The following NOX4 variants were observed in gnomAD, a reference collection of about 807,000 sequenced individuals.
NOX4 encodes NADPH oxidase 4, also known as kidney oxidase-1.
A neutral mutation model predicts 87.6 loss-of-function variants in NOX4; 69 were observed. That is an observed-to-expected ratio of 0.79 (90% CI 0.65 to 0.96). NOX4 has a LOEUF of 0.96. Among genes scored for constraint, NOX4 ranks in the 40% least tolerant of loss-of-function variants. The pLI is 0.00. For missense variants in NOX4, 680 were observed against 681.5 expected, an observed-to-expected ratio of 1.00 and a Z score of 0.02; for synonymous variants, 275 against 238.2, an observed-to-expected ratio of 1.15 and a Z score of -1.42.
the NOX4 span, among the ~76,000 whole-genome samples, chr11:89,572,649 A>C: frequency 6.6e-6 from 1 of 152,162 alleles, no homozygotes; most frequent in South Asian, 2.1e-4. Flanking sequence ...TCCCGGGTTC[A>C]CGCCATTCTC....
chr11:89,540,616 T>A, the NOX4 span, among the ~76,000 whole-genome samples: 1 of 150,716 alleles, frequency 6.6e-6, no homozygotes. Flanking sequence ...TGAAATCCCG[T>A]CTCTACTAAA....
chr11:89,480,600 G>A (rs1319725088), intron 2 of NOX4, among the ~76,000 whole-genome samples: 1 of 152,024 alleles, frequency 6.6e-6, no homozygotes, highest in Non-Finnish European at 1.5e-5. Flanking sequence ...TTATGGAATA[G>A]ACTTCATGTT....
intron 13 of NOX4, among the ~76,000 whole-genome samples, chr11:89,350,417 T>C (rs1946407224): frequency 1.3e-5 from 2 of 152,148 alleles, no homozygotes. Context: ...AACAGGAAGT[T>C]AAAGATTATA....
intron 8 of NOX4, among the ~76,000 whole-genome samples, chr11:89,413,832 T>C: frequency 6.6e-6 from 1 of 152,154 alleles, no homozygotes; most frequent in East Asian, 1.9e-4. Flanking sequence ...ATCTCATTTA[T>C]GCAAATGTGA....
chr11:89,392,535 G>A (rs1282088713), intron 11 of NOX4, among the ~76,000 whole-genome samples: 2 of 152,028 alleles, frequency 1.3e-5, no homozygotes, highest in Admixed American at 6.6e-5. Flanking sequence ...TCCACACTTC[G>A]AGATTCCACA....
intron 12 of NOX4, among the ~76,000 whole-genome samples, chr11:89,364,260 C>T (rs1170080038): frequency 1.3e-5 from 2 of 151,954 alleles, no homozygotes; most frequent in African/African-American, 4.8e-5. Context: ...CTCTCTTTCT[C>T]TCTCTCTGTT....
At chr11:89,361,890 C>A (rs1463125870) in intron 12 of NOX4, among the ~76,000 whole-genome samples, 1 of 152,060 alleles carries the variant, frequency 6.6e-6, no homozygotes, top group African/African-American at 2.4e-5. Context: ...GCGCAGTTGG[C>A]AGGCAATCTC....
At chr11:89,529,474 T>C in the NOX4 span, among the ~76,000 whole-genome samples, 1 of 152,124 alleles carries the variant, frequency 6.6e-6, no homozygotes, top group Non-Finnish European at 1.5e-5. Flanking sequence ...GCAATAATAC[T>C]GGAAGATATT....
chr11:89,467,567 A>T (rs1489162197), intron 2 of NOX4, among the ~76,000 whole-genome samples: 1 of 152,048 alleles, frequency 6.6e-6, no homozygotes, highest in East Asian at 1.9e-4. Flanking sequence ...TTCCTCATAG[A>T]CAGTGCCTTC....
At chr11:89,384,598 C>T (rs1940549846) in intron 11 of NOX4, among the ~76,000 whole-genome samples, 1 of 152,124 alleles carries the variant, frequency 6.6e-6, no homozygotes, top group Non-Finnish European at 1.5e-5. Context: ...TATAAACTCA[C>T]CAAAGCAAAT....
intron 12 of NOX4, among the ~76,000 whole-genome samples, chr11:89,367,311 A>G (rs1591037642): frequency 6.6e-6 from 1 of 152,262 alleles, no homozygotes. Flanking sequence ...ATCAGTATAA[A>G]AATCAATCAT....
At chr11:89,430,420 G>T (rs1238709742) in intron 7 of NOX4, among the ~76,000 whole-genome samples, 1 of 152,190 alleles carries the variant, frequency 6.6e-6, no homozygotes, top group African/African-American at 2.4e-5. Flanking sequence ...AATCGTCCCT[G>T]TTTGCAGATG....
At chr11:89,375,038 G>A (rs911743205) in intron 11 of NOX4, among the ~76,000 whole-genome samples, 3 of 152,006 alleles carry the variant, frequency 2.0e-5, no homozygotes, top group African/African-American at 7.2e-5. Context: ...TAAATATAAA[G>A]GTAGGTATTT....
intron 4 of NOX4, among the ~76,000 whole-genome samples, chr11:89,445,232 T>C (rs961674718): frequency 3.3e-5 from 5 of 152,120 alleles, no homozygotes; most frequent in African/African-American, 1.2e-4. Flanking sequence ...GTTCACAATA[T>C]GTGTAGTGCA....
rs200641364 is a variant in NOX4 at position 89,444,492 on chromosome 11, C to T, written c.350-260G>A. ...ACACACACACACACACACACACACA[C>T]ATACACACACACATCCTCCCCCTAA... On this transcript the variant is annotated intron_variant, in intron 4 of 17. Coordinates refer to ENST00000263317, the MANE Select transcript of NOX4 (RefSeq NM_016931.5). Among the ~76,000 whole-genome samples the T allele has an allele frequency of 3.7e-5, 5 of 134,552 alleles. No homozygotes were observed. The East Asian group carries it at 1.1e-3, about 30-fold the overall frequency. The allele number at this position is 134,552 out of a possible 152,430, so 88.3% of individuals were successfully genotyped here.
At chr11:89,533,073 C>A in the NOX4 span, among the ~76,000 whole-genome samples, 1 of 152,026 alleles carries the variant, frequency 6.6e-6, no homozygotes, top group African/African-American at 2.4e-5. Context: ...CTAATACAGA[C>A]AATTTTAAAA....
chr11:89,382,973 C>T (rs756300544), intron 11 of NOX4, among the ~76,000 whole-genome samples: 60 of 152,094 alleles, frequency 3.9e-4, no homozygotes, highest in South Asian at 4.1e-4. Context: ...CCGCCCTAGA[C>T]CCAGAGGGGC....
At chr11:89,478,046 T>A (rs896202631) in intron 2 of NOX4, among the ~76,000 whole-genome samples, 1 of 152,186 alleles carries the variant, frequency 6.6e-6, no homozygotes, top group Non-Finnish European at 1.5e-5. Flanking sequence ...ATTCCAAAGA[T>A]GTTTTCTGAA....
chr11:89,444,350 A>G, intron 4 of NOX4, 118 bp from the exon 5 acceptor site: 1 of 745,980 alleles, frequency 1.3e-6, no homozygotes, highest in Non-Finnish European at 2.2e-6. Flanking sequence ...TATGTGGACA[A>G]TGAAATATTA....
Sources: allele counts gnomAD v4.1 joint callset (sites outside exome capture counted in the v4.1 genomes callset), GRCh38; gene constraint gnomAD v4.1.1; transcripts MANE v1.5; gene names NCBI Gene and HGNC (gene_info 2026-07-23, HGNC 2026-07-21).